The following CACHD1 variants were observed in gnomAD, a reference collection of about 807,000 sequenced individuals.
The protein encoded by CACHD1 is VWFA and cache domain-containing protein 1.
Under a neutral mutation model 138.7 loss-of-function variants are expected in CACHD1, and 71 were observed. That is an observed-to-expected ratio of 0.51 (90% CI 0.42 to 0.62). The LOEUF is 0.62. Ranked by LOEUF, CACHD1 falls within the 20% of genes least tolerant of loss-of-function variation. CACHD1 has a pLI of 0.00. For synonymous variants in CACHD1, 578 were observed against 591.5 expected, an observed-to-expected ratio of 0.98 and a Z score of 0.33; for missense variants, 1,389 against 1,625.3, an observed-to-expected ratio of 0.85 and a Z score of 2.50.
chr1:64,472,193 C>G (rs869258995), intron 1 of CACHD1, among the ~76,000 whole-genome samples: 55 of 48,616 alleles, frequency 1.1e-3, no homozygotes, highest in African/African-American at 3.0e-3. Flanking sequence ...TCTTCTTCGT[C>G]GCGTCGTCCT....
intron 13 of CACHD1, among the ~76,000 whole-genome samples, chr1:64,661,175 A>G (rs530169646): frequency 1.3e-4 from 20 of 152,318 alleles, no homozygotes; most frequent in African/African-American, 4.8e-4. Context: ...AGTGGTTTCC[A>G]TTTGATTTCA....
chr1:64,504,745 C>G (rs1646358600), intron 1 of CACHD1, among the ~76,000 whole-genome samples: 1 of 152,160 alleles, frequency 6.6e-6, no homozygotes, highest in Non-Finnish European at 1.5e-5. Flanking sequence ...CCCTCCTTTG[C>G]AAATTGTACC....
intron 1 of CACHD1, among the ~76,000 whole-genome samples, chr1:64,549,031 A>G (rs886381072): frequency 2.6e-5 from 4 of 152,150 alleles, no homozygotes; most frequent in Non-Finnish European, 5.9e-5. Context: ...GGGGTATGTT[A>G]TTTAATCTCC....
chr1:64,507,169 C>T (rs1222669145), intron 1 of CACHD1, among the ~76,000 whole-genome samples: 1 of 152,212 alleles, frequency 6.6e-6, no homozygotes, highest in Non-Finnish European at 1.5e-5. Context: ...GACCAGGAGA[C>T]TGACTTTAGG....
chr1:64,501,971 C>G (rs1646342759), intron 1 of CACHD1, among the ~76,000 whole-genome samples: 1 of 152,172 alleles, frequency 6.6e-6, no homozygotes, highest in Non-Finnish European at 1.5e-5. Flanking sequence ...CTCTTTTTCC[C>G]CTTCACTTTC....
chr1:64,593,437 G>A (rs1204378315), intron 3 of CACHD1, among the ~76,000 whole-genome samples: 2 of 151,978 alleles, frequency 1.3e-5, no homozygotes, highest in Non-Finnish European at 2.9e-5. Context: ...CTGTTTTTAT[G>A]AGAAATAAAA....
intron 1 of CACHD1, among the ~76,000 whole-genome samples, chr1:64,517,323 T>C (rs547484185): frequency 1.2e-4 from 18 of 152,292 alleles, no homozygotes; most frequent in Admixed American, 2.6e-4. Flanking sequence ...TTGCATTCCA[T>C]TGGGGAGAGC....
At chr1:64,493,693 C>T (rs982199650) in intron 1 of CACHD1, among the ~76,000 whole-genome samples, 2 of 152,114 alleles carry the variant, frequency 1.3e-5, no homozygotes, top group Non-Finnish European at 2.9e-5. Flanking sequence ...CTTCTTTTCC[C>T]CAGGGAATTA....
chr1:64,494,729 G>T (rs966250524), intron 1 of CACHD1, among the ~76,000 whole-genome samples: 1 of 152,144 alleles, frequency 6.6e-6, no homozygotes, highest in Non-Finnish European at 1.5e-5. Flanking sequence ...CGTTTTATTG[G>T]TAAGTAGAAC....
chr1:64,580,725 G>A (rs1647005230), intron 2 of CACHD1, among the ~76,000 whole-genome samples: 1 of 152,210 alleles, frequency 6.6e-6, no homozygotes, highest in African/African-American at 2.4e-5. Context: ...TTGGTTTTGG[G>A]GTGCTGTCCT....
Position 64,535,403 on chromosome 1 carries a change from G to A in CACHD1, c.199-15191G>A, listed in dbSNP as rs372209860. On this transcript the variant is annotated intron_variant, in intron 1 of 26. Coordinates refer to ENST00000651257, the MANE Select transcript of CACHD1 (RefSeq NM_020925.4). The stretch of plus-strand genomic sequence containing the variant: ...TGCAATGGCATGATCTTGGCTCACT[G>A]CAACCTCTGCCTCCTGGGTTCAAGT... Among the ~76,000 whole-genome samples, 75 of 149,378 alleles carry A rather than the reference G, an allele frequency of 5.0e-4. No homozygotes were observed. The East Asian group carries it at 0.011, about 22-fold the overall frequency.
intron 1 of CACHD1, among the ~76,000 whole-genome samples, chr1:64,531,267 GTCC>G (rs1418294362): frequency 6.6e-6 from 1 of 152,174 alleles, no homozygotes; most frequent in Non-Finnish European, 1.5e-5. Context: ...TTTGGATGCA[GTCC>G]TCCTCTCCAG....
At chr1:64,624,803 G>A (rs1201274661) in intron 4 of CACHD1, among the ~76,000 whole-genome samples, 3 of 152,138 alleles carry the variant, frequency 2.0e-5, no homozygotes, top group Non-Finnish European at 4.4e-5. Flanking sequence ...TAGCCCCTTG[G>A]TATGCATGAG....
At chr1:64,556,812 A>G (rs781279638) in intron 2 of CACHD1, among the ~76,000 whole-genome samples, 35 of 152,166 alleles carry the variant, frequency 2.3e-4, no homozygotes, top group Non-Finnish European at 4.6e-4. Flanking sequence ...TGGAAAAATT[A>G]AAATTCCACG....
intron 2 of CACHD1, among the ~76,000 whole-genome samples, chr1:64,557,472 T>C (rs1646807243): frequency 6.6e-6 from 1 of 152,206 alleles, no homozygotes; most frequent in Non-Finnish European, 1.5e-5. Context: ...GATTTCAGAA[T>C]TCCTTTGAAA....
intron 15 of CACHD1, among the ~76,000 whole-genome samples, chr1:64,665,609 G>A (rs1040425797): frequency 2.0e-5 from 3 of 152,288 alleles, no homozygotes; most frequent in Admixed American, 6.5e-5. Flanking sequence ...AGATACAAAA[G>A]ATGAGAATCC....
chr1:64,567,770 CTTG>C (rs977920806), intron 2 of CACHD1, among the ~76,000 whole-genome samples: 1 of 152,132 alleles, frequency 6.6e-6, no homozygotes, highest in African/African-American at 2.4e-5. Context: ...TTTATTTTCT[CTTG>C]AGAGTCTTAC....
At chr1:64,614,262 G>A (rs1647633990) in intron 4 of CACHD1, among the ~76,000 whole-genome samples, 1 of 151,986 alleles carries the variant, frequency 6.6e-6, no homozygotes, top group Admixed American at 6.5e-5. Flanking sequence ...TTCTTGCCTG[G>A]TCTAGACACC....
chr1:64,576,494 GA>G lies in CACHD1; in HGVS notation c.262-5649del, dbSNP rs879503347. 3.7e-3 allele frequency among the ~76,000 whole-genome samples: 514 copies of G among 137,986 alleles called. 1 individual carries two copies. The highest frequency in any genetic ancestry group is 7.8e-3 in the Admixed American group (108 of 13,766). The allele number at this position is 137,986 out of a possible 152,430, so 90.5% of individuals were successfully genotyped here. A position where few individuals can be genotyped will look rare whatever the true frequency, so the allele number is the denominator to read the frequency against. ...TAACAGAGATTCCTTTTAGAGGGAA[GA>G]AAAAAAAAAAAAGACGCGATAGTGG... On this transcript the variant is annotated intron_variant, in intron 2 of 26. Transcript: ENST00000651257.
Sources: allele counts gnomAD v4.1 joint callset (sites outside exome capture counted in the v4.1 genomes callset), GRCh38; gene constraint gnomAD v4.1.1; transcripts MANE v1.5; gene names NCBI Gene and HGNC (gene_info 2026-07-23, HGNC 2026-07-21).